Variants in CNTLN observed in about 807,000 individuals in gnomAD.
CNTLN encodes centlein, centrosomal protein.
CNTLN carries 212 observed loss-of-function variants against 180.0 expected under a neutral mutation model. The ratio of observed to expected loss-of-function variants is 1.18; its 90% CI spans 1.05 to 1.32. The LOEUF is 1.32. Ranked by LOEUF, CNTLN falls within the 40% of genes most tolerant of loss-of-function variation. The pLI is 0.00. For synonymous variants in CNTLN, 722 were observed against 563.1 expected (o/e 1.28, Z -3.99); for missense variants, 2,095 against 1,610.9 (o/e 1.30, Z -5.14).
At chr9:17,464,756 ACT>A (rs1831647539) in intron 21 of CNTLN, 133 bp downstream of exon 21, 1 of 524,198 alleles carries the variant, frequency 1.9e-6, no homozygotes, top group Non-Finnish European at 3.2e-6. Flanking sequence ...ACAAAGTAAC[ACT>A]CTTTGCTCTG....
chr9:17,166,483 A>G (rs1224016258), intron 2 of CNTLN, among the ~76,000 whole-genome samples: 1 of 152,206 alleles, frequency 6.6e-6, no homozygotes, highest in African/African-American at 2.4e-5. Context: ...CAGGCTCAGG[A>G]GTTTAGGATT....
At chr9:17,265,795 A>G (rs1827382505) in intron 5 of CNTLN, among the ~76,000 whole-genome samples, 1 of 152,010 alleles carries the variant, frequency 6.6e-6, no homozygotes, top group African/African-American at 2.4e-5. Flanking sequence ...GAATTTATCC[A>G]TTTCTTCTAC....
Position 17,165,742 on chromosome 9 carries a change from A to G in CNTLN, c.449+22366A>G, listed in dbSNP as rs543677987. ...AAACTGGGGGAATAAGTGAATGCCTATTCTACTGAACAGTGGGACACTAAC... is the reference window on the plus strand; with the variant it reads ...AAACTGGGGGAATAAGTGAATGCCTGTTCTACTGAACAGTGGGACACTAAC... On this transcript the variant is annotated intron_variant, in intron 2 of 25. Coordinates refer to ENST00000380647, the MANE Select transcript of CNTLN (RefSeq NM_017738.4). Among the ~76,000 whole-genome samples, 125 of 152,326 alleles carry G rather than the reference A, an allele frequency of 8.2e-4. 1 individual carries two copies. The highest frequency in any genetic ancestry group is 5.0e-4 in the Non-Finnish European group (34 of 68,022).
At chr9:17,173,296 A>G (rs1820526850) in intron 2 of CNTLN, among the ~76,000 whole-genome samples, 1 of 152,166 alleles carries the variant, frequency 6.6e-6, no homozygotes, top group Admixed American at 6.5e-5. Flanking sequence ...TAGGGTATAC[A>G]TTTTCTTAAT....
At position 17,342,453 on chromosome 9, in the gene CNTLN, C is replaced by G. The variant is rs1821556455; in HGVS notation, c.1886+9C>G. The G allele has an allele frequency of 1.3e-6, 2 of 1,593,050 alleles. No individual in the cohort carries two copies. The highest frequency in any genetic ancestry group is 1.7e-6 in the Non-Finnish European group (2 of 1,173,226). On this transcript the variant is annotated intron_variant, in intron 12 of 25. Transcript: ENST00000380647. ...GAGCTAATGATTCAAAAGTGAGTTTCATTTTTAACAATATGGACTTAGATA... is the reference window on the plus strand; with the variant it reads ...GAGCTAATGATTCAAAAGTGAGTTTGATTTTTAACAATATGGACTTAGATA...
chr9:17,368,758 C>A (rs1302674799), intron 13 of CNTLN, among the ~76,000 whole-genome samples: 1 of 152,154 alleles, frequency 6.6e-6, no homozygotes, highest in Non-Finnish European at 1.5e-5. Flanking sequence ...GGCAGTAGTT[C>A]TAGAAGTCGG....
At chr9:17,342,626 G>A (rs1365016893) in intron 12 of CNTLN, among the ~76,000 whole-genome samples, 182 bp downstream of exon 12, 1 of 152,170 alleles carries the variant, frequency 6.6e-6, no homozygotes, top group African/African-American at 2.4e-5. Flanking sequence ...ATAACAAGTT[G>A]CACAGTTGCT....
intron 2 of CNTLN, among the ~76,000 whole-genome samples, chr9:17,153,444 G>A (rs560509584): frequency 7.0e-4 from 107 of 152,304 alleles, no homozygotes; most frequent in Non-Finnish European, 1.3e-3. Context: ...TGAAATTCTG[G>A]TTTGAAAATT....
At chr9:17,313,936 A>C (rs1276209309) in intron 8 of CNTLN, among the ~76,000 whole-genome samples, 4 of 152,152 alleles carry the variant, frequency 2.6e-5, no homozygotes, top group African/African-American at 9.7e-5. Context: ...GGCATTCAGC[A>C]CATGCCCGGC....
intron 2 of CNTLN, among the ~76,000 whole-genome samples, chr9:17,188,128 A>C (rs1038516812): frequency 6.6e-6 from 1 of 151,760 alleles, no homozygotes; most frequent in Non-Finnish European, 1.5e-5. Flanking sequence ...CTGAAGATAA[A>C]AAGAATTAAC....
At chr9:17,180,353 A>G (rs1405805124) in intron 2 of CNTLN, among the ~76,000 whole-genome samples, 1 of 135,244 alleles carries the variant, frequency 7.4e-6, no homozygotes, top group Non-Finnish European at 1.5e-5. Context: ...TAATTATTAT[A>G]TTATATTATA....
chr9:17,380,097 G>C (rs774892763), intron 13 of CNTLN, among the ~76,000 whole-genome samples: 39 of 152,172 alleles, frequency 2.6e-4, no homozygotes, highest in Non-Finnish European at 5.1e-4. Context: ...TTAAGCAAGA[G>C]GCTAAAGGGG....
At chr9:17,456,626 T>A (rs1376854799) in intron 18 of CNTLN, among the ~76,000 whole-genome samples, 3 of 152,156 alleles carry the variant, frequency 2.0e-5, no homozygotes, top group African/African-American at 7.2e-5. Context: ...TAATTGGAAT[T>A]TCAACAAAGA....
intron 8 of CNTLN, among the ~76,000 whole-genome samples, chr9:17,320,151 G>A (rs1819806855): frequency 6.6e-6 from 1 of 152,196 alleles, no homozygotes; most frequent in Non-Finnish European, 1.5e-5. Flanking sequence ...AAGATGAGTT[G>A]CAAATTTTAA....
rs111874910 is a variant in CNTLN, at chr9:17,284,387, G to A, written c.983+10521G>A. 8.9e-3 allele frequency among the ~76,000 whole-genome samples: 1,361 copies of A among 152,196 alleles called. 23 individuals carry two copies. Among genetic ancestry groups the A allele is most frequent in the African/African-American group, 0.031 (1,279 of 41,536 alleles). On this transcript the variant is annotated intron_variant, in intron 6 of 25. Coordinates refer to ENST00000380647, the MANE Select transcript of CNTLN (RefSeq NM_017738.4). ...ATAGAATTCAGCTGTAAATCCACTG[G>A]TCATGGGCTTTTTTTTGGCTGGTAG...
rs1351117073 is a variant in CNTLN, at chr9:17,190,776, A to G, written c.450-35427A>G. Among the ~76,000 whole-genome samples the G allele has an allele frequency of 9.9e-5, 15 of 152,210 alleles. 1 individual carries two copies. On this transcript the variant is annotated intron_variant, in intron 2 of 25. Coordinates refer to ENST00000380647, the MANE Select transcript of CNTLN (RefSeq NM_017738.4). ...GTGAAATGCTGAAAATGGTACAGGA[A>G]GAAGTGAGATTAGGAAGAGTGAGGC...
At chr9:17,394,119 T>A (rs552164175) in intron 14 of CNTLN, among the ~76,000 whole-genome samples, 15 of 152,306 alleles carry the variant, frequency 9.8e-5, no homozygotes, top group Middle Eastern at 3.4e-3. Context: ...ATATTGTCAT[T>A]CCTTTTTCAT....
At chr9:17,495,073 T>G (rs1833380492) in intron 25 of CNTLN, 1 of 362,948 alleles carries the variant, frequency 2.8e-6, no homozygotes, top group Non-Finnish European at 5.4e-6. Flanking sequence ...AGAGATTGGG[T>G]TTTGCCATGT....
the CNTLN span, among the ~76,000 whole-genome samples, chr9:17,512,210 G>A: frequency 2.6e-5 from 4 of 152,302 alleles, no homozygotes; most frequent in East Asian, 7.7e-4. Flanking sequence ...GCAGGAAGCA[G>A]GCAGTGTAAA....
Sources: allele counts gnomAD v4.1 joint callset (sites outside exome capture counted in the v4.1 genomes callset), GRCh38; gene constraint gnomAD v4.1.1; transcripts MANE v1.5; gene names NCBI Gene and HGNC (gene_info 2026-07-23, HGNC 2026-07-21).